The following MPDZ variants were observed in gnomAD, a reference collection of about 807,000 sequenced individuals.
The protein encoded by MPDZ is multiple PDZ domain crumbs cell polarity complex component, also known as multiple PDZ domain protein.
MPDZ carries 234 observed loss-of-function variants against 239.1 expected under a neutral mutation model. The ratio of observed to expected loss-of-function variants is 0.98; its 90% confidence interval spans 0.88 to 1.09. MPDZ has a LOEUF of 1.09. MPDZ is among the 50% of genes least tolerant of loss of function. The pLI, the probability that MPDZ is intolerant of heterozygous loss-of-function variation, is 0.00. For synonymous variants in MPDZ, 1,048 were observed against 881.3 expected, an observed-to-expected ratio of 1.19 and a Z score of -3.35; for missense variants, 3,175 against 2,510.0, an observed-to-expected ratio of 1.26 and a Z score of -5.66.
At chr9:13,242,918 G>C (rs1312549541) in intron 3 of MPDZ, among the ~76,000 whole-genome samples, 1 of 152,136 alleles carries the variant, frequency 6.6e-6, no homozygotes, top group East Asian at 1.9e-4. Flanking sequence ...TTCCAGTCAC[G>C]ACAGTAAGAA....
At chr9:13,137,678 C>A (rs1361819863) in intron 29 of MPDZ, among the ~76,000 whole-genome samples, 1 of 152,068 alleles carries the variant, frequency 6.6e-6, no homozygotes, top group Non-Finnish European at 1.5e-5. Flanking sequence ...ATGCAGCACA[C>A]AAAACAAATG....
At chr9:13,255,269 C>T (rs754993219) in intron 1 of MPDZ, among the ~76,000 whole-genome samples, 19 of 152,166 alleles carry the variant, frequency 1.2e-4, no homozygotes, top group African/African-American at 2.7e-4. Context: ...CTATTTGTAA[C>T]GCATCTTCAG....
chr9:13,252,491 G>C (rs951270992), intron 1 of MPDZ, among the ~76,000 whole-genome samples: 2 of 151,324 alleles, frequency 1.3e-5, no homozygotes, highest in South Asian at 4.2e-4. Flanking sequence ...ACTTGAACCA[G>C]GGAGGCGGAG....
intron 13 of MPDZ, among the ~76,000 whole-genome samples, chr9:13,194,828 T>C (rs902664547): frequency 2.0e-5 from 3 of 152,156 alleles, no homozygotes; most frequent in Non-Finnish European, 4.4e-5. Context: ...TATGCACACC[T>C]GCCACATTAA....
chr9:13,153,445 G>T (rs1159986730), intron 24 of MPDZ, among the ~76,000 whole-genome samples: 1 of 152,000 alleles, frequency 6.6e-6, no homozygotes, highest in African/African-American at 2.4e-5. Context: ...ATTTTTGTTT[G>T]TTTTTGTTTT....
chr9:13,128,008 T>C (rs957723560), intron 32 of MPDZ, among the ~76,000 whole-genome samples: 2 of 152,210 alleles, frequency 1.3e-5, no homozygotes, highest in African/African-American at 4.8e-5. Context: ...GTTTACCTAA[T>C]ACTGCTTCCC....
chr9:13,176,553 TAACA>T (rs1420998746), intron 19 of MPDZ, 136 bp from the exon 20 acceptor site: 1 of 789,518 alleles, frequency 1.3e-6, no homozygotes, highest in South Asian at 2.7e-5. Flanking sequence ...CAAAAAGCAT[TAACA>T]AACACAATTC....
At chr9:13,180,293 G>A (rs1207366014) in intron 19 of MPDZ, among the ~76,000 whole-genome samples, 2 of 152,136 alleles carry the variant, frequency 1.3e-5, no homozygotes, top group Non-Finnish European at 2.9e-5. Context: ...TTGAGTTGAC[G>A]TACAAGGTGC....
At chr9:13,191,323 T>C (rs996843491) in intron 15 of MPDZ, among the ~76,000 whole-genome samples, 4 of 152,172 alleles carry the variant, frequency 2.6e-5, no homozygotes, top group African/African-American at 7.2e-5. Context: ...TCATTCAATA[T>C]ACTATAAATC....
chr9:13,168,953 T>C (rs72706364), intron 21 of MPDZ, among the ~76,000 whole-genome samples: 1 of 152,152 alleles, frequency 6.6e-6, no homozygotes, highest in African/African-American at 2.4e-5. Flanking sequence ...AAAGGAAAAT[T>C]CATCATGTAA....
rs758055992 is a variant in MPDZ at position 13,106,983 on chromosome 9, A to C, written c.6195T>G (p.Thr2065=). 10 of 1,613,586 alleles carry C rather than the reference A, an allele frequency of 6.2e-6. No homozygotes were observed. In the East Asian group the frequency reaches 2.0e-4, roughly 32 times the overall value. Residue 2065 remains threonine (T), a synonymous_variant, in exon 47 of 47, where the codon ACT becomes ACG. Transcript: ENST00000319217. ...AGCCAATTCAAGAGAGAACCATCAA[A>C]GTGACAGTGCCTTTTGTCCGTTTAA... ...AILKRTKGTV[T]LMVLS
At chr9:13,120,589 C>CA (rs1944197609) in intron 38 of MPDZ, 1 of 152,166 alleles carries the variant, frequency 6.6e-6, no homozygotes, top group Non-Finnish European at 1.5e-5. Flanking sequence ...GACATATTCC[C>CA]ACTGACACTC....
intron 14 of MPDZ, among the ~76,000 whole-genome samples, chr9:13,192,768 T>C (rs2135096649): frequency 6.6e-6 from 1 of 152,262 alleles, no homozygotes; most frequent in South Asian, 2.1e-4. Context: ...AAGAAGCAAA[T>C]ATATTAGTAG....
At chr9:13,236,197 ATGTGTGTGTGTG>A (rs377695828) in intron 3 of MPDZ, among the ~76,000 whole-genome samples, 16 of 76,968 alleles carry the variant, frequency 2.1e-4, no homozygotes, top group African/African-American at 7.3e-4. Flanking sequence ...TTCTGTATAT[ATGTGTGTGTGTG>A]TGTGTGTGTG....
intron 1 of MPDZ, among the ~76,000 whole-genome samples, chr9:13,264,435 A>G (rs1378484133): frequency 6.6e-6 from 1 of 152,134 alleles, no homozygotes; most frequent in Non-Finnish European, 1.5e-5. Flanking sequence ...AGTTGAAAGG[A>G]GCGTCAAAAA....
At chr9:13,125,824 C>T (rs1315742244) in intron 34 of MPDZ, among the ~76,000 whole-genome samples, 1 of 151,970 alleles carries the variant, frequency 6.6e-6, no homozygotes, top group Non-Finnish European at 1.5e-5. Flanking sequence ...AAGTATACAA[C>T]AAAAAAGTCA....
intron 21 of MPDZ, among the ~76,000 whole-genome samples, chr9:13,173,566 G>C (rs189016230): frequency 6.6e-6 from 1 of 152,090 alleles, no homozygotes; most frequent in East Asian, 1.9e-4. Flanking sequence ...AGCTGGGCAT[G>C]GTGGCAGAGG....
chr9:13,202,940 A>C (rs1349022173), intron 12 of MPDZ, among the ~76,000 whole-genome samples: 1 of 152,148 alleles, frequency 6.6e-6, no homozygotes, highest in Non-Finnish European at 1.5e-5. Context: ...TGTGGGAGGC[A>C]CTTCTAATCT....
intron 14 of MPDZ, 60 bp downstream of exon 14, chr9:13,193,107 C>G (rs1955170559): frequency 1.5e-6 from 2 of 1,376,646 alleles, no homozygotes; most frequent in African/African-American, 1.4e-5. Context: ...CCACATTAAG[C>G]CTCCTGCAAG....
Sources: gnomAD v4.1 joint callset for allele counts (sites outside exome capture counted in the v4.1 genomes callset) on GRCh38, gnomAD v4.1.1 for gene constraint, MANE v1.5 for transcripts, NCBI Gene and HGNC (gene_info 2026-07-23, HGNC 2026-07-21) for gene names.